The following ST13 variants were observed in gnomAD, a reference collection of about 807,000 sequenced individuals.
ST13 encodes hsc70-interacting protein.
Under a neutral mutation model 56.7 loss-of-function variants are expected in ST13, and 23 were observed. That is an observed-to-expected ratio of 0.41 (90% CI 0.29 to 0.57). The LOEUF (loss-of-function observed/expected upper bound fraction) is 0.57. Among genes scored for constraint, ST13 ranks in the 20% least tolerant of loss-of-function variants. The pLI is 0.36. For missense variants in ST13, 369 were observed against 459.9 expected, an observed-to-expected ratio of 0.80 and a Z score of 1.81; for synonymous variants, 132 against 142.4, an observed-to-expected ratio of 0.93 and a Z score of 0.52.
chr22:40,849,923 A>AAG (rs1435404970), intron 2 of ST13, among the ~76,000 whole-genome samples: 2 of 151,856 alleles, frequency 1.3e-5, no homozygotes, highest in Non-Finnish European at 2.9e-5. Context: ...AAAAAAAAAA[A>AAG]AAGCCTTTTA....
At chr22:40,844,789 G>A (rs1258426127) in intron 4 of ST13, 50 bp downstream of exon 4, 1 of 1,430,144 alleles carries the variant, frequency 7.0e-7, no homozygotes, top group East Asian at 2.3e-5. Flanking sequence ...GCAACAGCAG[G>A]ACCTTTCACA....
chr22:40,839,535 C>T (rs1322383853), intron 5 of ST13, among the ~76,000 whole-genome samples: 1 of 151,992 alleles, frequency 6.6e-6, no homozygotes, highest in Admixed American at 6.6e-5. Flanking sequence ...GAGGCAGAGG[C>T]GGGCACATCA....
intron 2 of ST13, among the ~76,000 whole-genome samples, chr22:40,848,937 A>G (rs533285465): frequency 3.9e-5 from 6 of 152,216 alleles, no homozygotes; most frequent in Non-Finnish European, 8.8e-5. Flanking sequence ...GAAAATTCAA[A>G]GAATTTAAAA....
intron 8 of ST13, 45 bp downstream of exon 8, chr22:40,832,524 T>G: frequency 7.2e-7 from 1 of 1,387,048 alleles, no homozygotes; most frequent in Non-Finnish European, 1.0e-6. Context: ...ACTACAGCGA[T>G]GGAGTATTTA....
At chr22:40,828,710 TAA>T (rs968942930) in intron 10 of ST13, among the ~76,000 whole-genome samples, 5 of 152,144 alleles carry the variant, frequency 3.3e-5, no homozygotes, top group African/African-American at 1.2e-4. Context: ...AAACACATGA[TAA>T]AGTCATTTTT....
At chr22:40,841,896 AT>A in intron 4 of ST13, among the ~76,000 whole-genome samples, 1 of 152,272 alleles carries the variant, frequency 6.6e-6, no homozygotes, top group East Asian at 1.9e-4. Flanking sequence ...CCTGGCTGCA[AT>A]TTTATTTTGA....
chr22:40,850,047 C>G (rs1457358645), intron 2 of ST13, among the ~76,000 whole-genome samples: 1 of 151,978 alleles, frequency 6.6e-6, no homozygotes, highest in Admixed American at 6.6e-5. Context: ...CAGTTGAGGT[C>G]AGGAGTTCGA....
chr22:40,854,234 A>G (rs2057876752), intron 1 of ST13, among the ~76,000 whole-genome samples: 1 of 152,248 alleles, frequency 6.6e-6, no homozygotes, highest in Non-Finnish European at 1.5e-5. Context: ...CTCGAACTGC[A>G]GACTGATGAA....
chr22:40,841,595 A>G (rs1369804673), intron 4 of ST13, among the ~76,000 whole-genome samples: 1 of 152,020 alleles, frequency 6.6e-6, no homozygotes, highest in Non-Finnish European at 1.5e-5. Context: ...GAAAAAATAA[A>G]TATTAAATAT....
chr22:40,837,503 G>A (rs568874548), intron 5 of ST13, among the ~76,000 whole-genome samples: 9 of 152,210 alleles, frequency 5.9e-5, no homozygotes, highest in South Asian at 4.2e-4. Flanking sequence ...AAAATTAGCC[G>A]CATATGGTGG....
chr22:40,840,587 T>C, intron 5 of ST13, 39 bp downstream of exon 5: 3 of 1,572,196 alleles, frequency 1.9e-6, no homozygotes, highest in Non-Finnish European at 2.6e-6. Context: ...GCAATAAATA[T>C]TCTGACTACC....
chr22:40,848,233 A>C, intron 3 of ST13, 61 bp downstream of exon 3: 1 of 1,242,106 alleles, frequency 8.1e-7, no homozygotes. Context: ...TCACTTTAAT[A>C]AAAATCAACA....
At position 40,835,626 on chromosome 22, in the gene ST13, C is replaced by T; in HGVS notation, c.512G>A (p.Cys171Tyr). ...AGGATTTATTTCAATGGCTCTGTCACAGTCTCGGATGGCAGCATTTGGCTT... is the reference window on the plus strand; with the variant it reads ...AGGATTTATTTCAATGGCTCTGTCATAGTCTCGGATGGCAGCATTTGGCTT... ...LQKPNAAIRD[C>Y]DRAIEINPDS... Residue 171 changes from cysteine to tyrosine, a missense_variant, in exon 7 of 12, where the codon TGT (cysteine) becomes TAT (tyrosine). Coordinates refer to ENST00000216218, the MANE Select transcript of ST13 (RefSeq NM_003932.5). 6.2e-7 allele frequency: 1 copy of T among 1,613,786 alleles called. No homozygotes were observed. The highest frequency in any genetic ancestry group is 8.5e-7 in the Non-Finnish European group (1 of 1,180,004).
chr22:40,835,915 A>G lies in ST13; in HGVS notation c.383-28T>C, dbSNP rs759442427. ...AAAGTGAAACAAAAGTTATCGAGAA[A>G]TATTCAGAGGATAAAAATATTAATA... On this transcript the variant is annotated intron_variant, in intron 5 of 11. Coordinates refer to ENST00000216218, the MANE Select transcript of ST13 (RefSeq NM_003932.5). 4.7e-5 allele frequency: 72 copies of G among 1,523,748 alleles called. 1 individual carries two copies. The South Asian group carries it at 7.8e-4, about 17-fold the overall frequency. The allele number at this position is 1,523,748 out of a possible 1,614,324, so 94.4% of individuals were successfully genotyped here.
intron 1 of ST13, among the ~76,000 whole-genome samples, chr22:40,855,335 G>C (rs1218921571): frequency 6.6e-6 from 1 of 152,172 alleles, no homozygotes; most frequent in African/African-American, 2.4e-5. Context: ...CGCACTGCTA[G>C]CCACCTGGGA....
intron 5 of ST13, among the ~76,000 whole-genome samples, chr22:40,838,599 C>CA (rs530979962): frequency 0.039 from 5,150 of 132,918 alleles, 215 homozygotes; most frequent in African/African-American, 0.11. Context: ...CTATCTCTAC[C>CA]AAAAAAAAAA....
chr22:40,853,908 G>C (rs1469069562), intron 1 of ST13, among the ~76,000 whole-genome samples: 1 of 151,902 alleles, frequency 6.6e-6, no homozygotes, highest in African/African-American at 2.4e-5. Context: ...CTCTAAAAAG[G>C]GAAAAACAAA....
At chr22:40,831,197 C>T (rs1238680314) in intron 8 of ST13, among the ~76,000 whole-genome samples, 1 of 152,162 alleles carries the variant, frequency 6.6e-6, no homozygotes, top group Admixed American at 6.5e-5. Flanking sequence ...TAATCTCAAA[C>T]AATTAAGCTC....
chr22:40,845,793 A>G (rs2057828116), intron 3 of ST13, among the ~76,000 whole-genome samples: 1 of 152,090 alleles, frequency 6.6e-6, no homozygotes, highest in African/African-American at 2.4e-5. Flanking sequence ...TTTGATAAGA[A>G]GTTTCCTTAG....
Sources: allele counts gnomAD v4.1 joint callset (sites outside exome capture counted in the v4.1 genomes callset), GRCh38; gene constraint gnomAD v4.1.1; transcripts MANE v1.5; gene names NCBI Gene and HGNC (gene_info 2026-07-23, HGNC 2026-07-21).